The following SLIT3 variants were observed in gnomAD, a reference collection of about 807,000 sequenced individuals.
SLIT3 encodes slit homolog 3 protein.
In SLIT3, 68 loss-of-function variants were observed where a neutral mutation model predicts 184.0. That is an observed-to-expected ratio of 0.37 (90% CI 0.30 to 0.45). SLIT3 has a LOEUF of 0.45. Ranked by LOEUF, SLIT3 falls within the 20% of genes least tolerant of loss-of-function variation. The pLI, the probability that SLIT3 is intolerant of heterozygous loss-of-function variation, is 1.00. For missense variants in SLIT3, 1,707 were observed against 2,026.0 expected (o/e 0.84, Z 3.02); for synonymous variants, 831 against 828.6 (o/e 1.00, Z -0.05).
chr5:169,181,830 G>T (rs1436310180), intron 4 of SLIT3, among the ~76,000 whole-genome samples: 8 of 152,136 alleles, frequency 5.3e-5, no homozygotes, highest in Admixed American at 6.5e-5. Flanking sequence ...ATGAGACTGA[G>T]ATAGAAGAGA....
chr5:169,162,628 G>T (rs1289856800), intron 4 of SLIT3, among the ~76,000 whole-genome samples: 1 of 152,212 alleles, frequency 6.6e-6, no homozygotes, highest in African/African-American at 2.4e-5. Flanking sequence ...ATGAGTCAAA[G>T]CATCCGTGTT....
chr5:168,930,987 C>T (rs1004047047), intron 4 of SLIT3, among the ~76,000 whole-genome samples: 3 of 152,176 alleles, frequency 2.0e-5, no homozygotes, highest in Non-Finnish European at 4.4e-5. Context: ...CCTCCTGGAA[C>T]GTCACAGGTC....
intron 4 of SLIT3, among the ~76,000 whole-genome samples, chr5:168,940,788 G>GA (rs1330503139): frequency 6.6e-6 from 1 of 152,182 alleles, no homozygotes; most frequent in East Asian, 1.9e-4. Context: ...TGTATACCCT[G>GA]AAAATCATAA....
intron 5 of SLIT3, 34 bp downstream of exon 5, chr5:168,883,231 A>G: frequency 1.3e-6 from 2 of 1,587,312 alleles, no homozygotes; most frequent in African/African-American, 2.7e-5. Flanking sequence ...CAAGTTAGCC[A>G]CATACGTAGT....
chr5:168,898,773 C>T (rs1760772873), intron 4 of SLIT3, among the ~76,000 whole-genome samples: 1 of 152,046 alleles, frequency 6.6e-6, no homozygotes, highest in Admixed American at 6.5e-5. Context: ...CAATTCTAAT[C>T]CTTCTTATCA....
intron 14 of SLIT3, among the ~76,000 whole-genome samples, chr5:168,770,824 C>G (rs1367297913): frequency 6.6e-6 from 1 of 152,236 alleles, no homozygotes; most frequent in East Asian, 1.9e-4. Context: ...TAGAACTAAG[C>G]TCTACTGCTT....
intron 4 of SLIT3, among the ~76,000 whole-genome samples, chr5:169,159,999 C>A (rs116760976): frequency 1.6e-3 from 245 of 152,310 alleles, no homozygotes; most frequent in African/African-American, 5.6e-3. Flanking sequence ...AAAGCCAAAT[C>A]AACCTGGGTC....
In SLIT3 at chr5:168,671,451, G is replaced by T. The variant is rs766926263; in HGVS notation, c.3874C>A (p.Arg1292Ser). 6.2e-7 allele frequency: 1 copy of T among 1,612,818 alleles called. No individual in the cohort carries two copies. The change falls in exon 34 of 36, where the codon CGC becomes AGC. Residue 1292 changes from arginine (R) to serine (S), a missense_variant. By Grantham distance (110) the Arg-to-Ser change is moderately radical. Coordinates refer to ENST00000519560, the MANE Select transcript of SLIT3 (RefSeq NM_003062.4). ...IPTSTGLSAL[R>S]QGTDRPLGGF... ...CCTAGAGGCCGGTCCGTGCCCTGGC[G>T]CAAGGCAGAGAGGCCGGTGGAGGTG...
intron 1 of SLIT3, among the ~76,000 whole-genome samples, chr5:169,272,193 G>C (rs998066027): frequency 2.6e-5 from 4 of 152,308 alleles, no homozygotes; most frequent in Non-Finnish European, 5.9e-5. Context: ...CACATTTGGA[G>C]GGCAGAGTCC....
intron 4 of SLIT3, among the ~76,000 whole-genome samples, chr5:168,965,856 C>T (rs62377226): frequency 0.04 from 6,075 of 152,248 alleles, 153 homozygotes; most frequent in Middle Eastern, 0.065. Flanking sequence ...CTCATGCCAG[C>T]GCACGCTCTC....
intron 4 of SLIT3, among the ~76,000 whole-genome samples, chr5:169,143,600 A>T (rs1761817642): frequency 6.6e-6 from 1 of 152,230 alleles, no homozygotes; most frequent in African/African-American, 2.4e-5. Flanking sequence ...GGAGTTCAAG[A>T]CCAGCCCAGC....
chr5:169,044,977 C>T (rs748662569), intron 4 of SLIT3, among the ~76,000 whole-genome samples: 2 of 152,206 alleles, frequency 1.3e-5, no homozygotes, highest in African/African-American at 2.4e-5. Context: ...AAGCAGCCTT[C>T]TGTCCATCAC....
intron 9 of SLIT3, among the ~76,000 whole-genome samples, chr5:168,800,079 GC>G (rs1456710897): frequency 1.3e-5 from 2 of 152,184 alleles, no homozygotes; most frequent in Non-Finnish European, 2.9e-5. Flanking sequence ...AAGGAAGGAA[GC>G]CCCATGTTTA....
intron 3 of SLIT3, among the ~76,000 whole-genome samples, chr5:169,197,191 G>A (rs1763768943): frequency 6.6e-6 from 1 of 152,130 alleles, no homozygotes; most frequent in Non-Finnish European, 1.5e-5. Flanking sequence ...CCAATTGTGT[G>A]CTGCCCACTG....
chr5:169,152,497 G>C (rs1762149155), intron 4 of SLIT3, among the ~76,000 whole-genome samples: 1 of 152,162 alleles, frequency 6.6e-6, no homozygotes, highest in African/African-American at 2.4e-5. Context: ...CAGCTCTTCG[G>C]GGGCAAAGTG....
chr5:168,990,648 A>G (rs1176269157), intron 4 of SLIT3, among the ~76,000 whole-genome samples: 2 of 152,210 alleles, frequency 1.3e-5, no homozygotes, highest in Non-Finnish European at 2.9e-5. Context: ...TAGAGCCTCT[A>G]CATCAGCCAG....
At chr5:169,218,640 C>T (rs1009223840) in intron 3 of SLIT3, among the ~76,000 whole-genome samples, 4 of 152,198 alleles carry the variant, frequency 2.6e-5, no homozygotes, top group African/African-American at 9.6e-5. Flanking sequence ...CCCTAAAACT[C>T]CATTTCTTCA....
chr5:169,218,425 A>T (rs1190747524), intron 3 of SLIT3, among the ~76,000 whole-genome samples: 1 of 152,194 alleles, frequency 6.6e-6, no homozygotes, highest in Non-Finnish European at 1.5e-5. Context: ...CAGCATCAGC[A>T]TCTTCTAGGA....
chr5:168,688,418 ATCCCTCTCC>A (rs957862622), intron 29 of SLIT3, among the ~76,000 whole-genome samples: 2 of 152,126 alleles, frequency 1.3e-5, no homozygotes, highest in Admixed American at 1.3e-4. Context: ...GTTCTCCCTC[ATCCCTCTCC>A]TCCCTCTCCT....
Sources: allele counts gnomAD v4.1 joint callset (sites outside exome capture counted in the v4.1 genomes callset), GRCh38; gene constraint gnomAD v4.1.1; transcripts MANE v1.5; gene names NCBI Gene and HGNC (gene_info 2026-07-23, HGNC 2026-07-21).